The following PPFIA2 variants were observed in gnomAD, a reference collection of about 807,000 sequenced individuals.
PPFIA2 encodes liprin-alpha-2.
In PPFIA2, 46 loss-of-function variants were observed where a neutral mutation model predicts 175.5. The observed-to-expected ratio is 0.26, with a 90% CI of 0.21 to 0.34. The LOEUF (loss-of-function observed/expected upper bound fraction) is 0.34. PPFIA2 is among the 10% of genes least tolerant of loss of function. The probability of loss-of-function intolerance (pLI) is 1.00; values close to 1 mark genes in which losing one functional copy is unlikely to be tolerated. For synonymous variants in PPFIA2, 568 were observed against 511.4 expected (o/e 1.11, Z -1.49); for missense variants, 1,179 against 1,506.1 (o/e 0.78, Z 3.60).
chr12:81,358,754 C>T (rs1053702951), intron 15 of PPFIA2, among the ~76,000 whole-genome samples: 13 of 151,896 alleles, frequency 8.6e-5, no homozygotes, highest in African/African-American at 3.1e-4. Context: ...CAACAAAATG[C>T]TTAAATTTAG....
chr12:81,414,458 T>G (rs149269422), intron 7 of PPFIA2, among the ~76,000 whole-genome samples: 1 of 151,770 alleles, frequency 6.6e-6, no homozygotes, highest in East Asian at 1.9e-4. Context: ...TGAAAAAAAA[T>G]TAACTACTTT....
intron 3 of PPFIA2, among the ~76,000 whole-genome samples, chr12:81,752,419 C>T (rs2083942152): frequency 6.6e-6 from 1 of 152,040 alleles, no homozygotes; most frequent in Non-Finnish European, 1.5e-5. Context: ...AAATATTTTC[C>T]TTAAAAAATA....
intron 7 of PPFIA2, among the ~76,000 whole-genome samples, chr12:81,407,073 A>G (rs1192425558): frequency 1.3e-5 from 2 of 152,184 alleles, no homozygotes; most frequent in Admixed American, 1.3e-4. Context: ...AACTGTAAAC[A>G]CCAAATAATT....
chr12:81,440,949 G>A (rs1272931933), intron 6 of PPFIA2, among the ~76,000 whole-genome samples: 1 of 150,870 alleles, frequency 6.6e-6, no homozygotes, highest in East Asian at 1.9e-4. Context: ...ATTCATGGTG[G>A]GTTTTCGATT....
At chr12:81,733,576 GATTTTATCT>G (rs1359001564) in intron 3 of PPFIA2, among the ~76,000 whole-genome samples, 1 of 151,596 alleles carries the variant, frequency 6.6e-6, no homozygotes, top group Non-Finnish European at 1.5e-5. Flanking sequence ...ACTTTTCTGA[GATTTTATCT>G]ATATATAAAA....
Position 81,520,416 on chromosome 12 carries a change from G to A in PPFIA2, c.304-62550C>T, listed in dbSNP as rs186413233. ...ATTTTCCATTTAATATTTTTGAGCC[G>A]TACAACTGACCTTAGGTAACCGAAA... On this transcript the variant is annotated intron_variant, in intron 4 of 32. Coordinates refer to ENST00000549396, the MANE Select transcript of PPFIA2 (RefSeq NM_003625.5). 5.3e-5 allele frequency among the ~76,000 whole-genome samples: 8 copies of A among 152,080 alleles called. No homozygotes were observed. The South Asian group carries it at 8.3e-4, about 16-fold the overall frequency.
intron 21 of PPFIA2, among the ~76,000 whole-genome samples, chr12:81,327,700 T>A (rs2055111455): frequency 6.6e-6 from 1 of 152,190 alleles, no homozygotes; most frequent in East Asian, 1.9e-4. Flanking sequence ...ATAAGAACAT[T>A]TAAATTATGA....
At chr12:81,478,788 G>T (rs1008435078) in intron 4 of PPFIA2, among the ~76,000 whole-genome samples, 2 of 152,122 alleles carry the variant, frequency 1.3e-5, no homozygotes, top group African/African-American at 2.4e-5. Context: ...GAGACGGTTT[G>T]TTATGATTTC....
chr12:81,464,964 A>T (rs1198304966), intron 4 of PPFIA2, among the ~76,000 whole-genome samples: 2 of 152,100 alleles, frequency 1.3e-5, no homozygotes, highest in Non-Finnish European at 2.9e-5. Flanking sequence ...GAGAAAAAAA[A>T]TGACATATTT....
chr12:81,456,723 C>G (rs1468491600), intron 5 of PPFIA2, among the ~76,000 whole-genome samples: 1 of 151,972 alleles, frequency 6.6e-6, no homozygotes. Flanking sequence ...TGGTAATTTA[C>G]ATGTTTATAA....
chr12:81,307,070 C>T (rs1348982319), intron 22 of PPFIA2, among the ~76,000 whole-genome samples: 8 of 152,084 alleles, frequency 5.3e-5, no homozygotes, highest in South Asian at 2.1e-4. Flanking sequence ...GTAAGTTGAT[C>T]GCTACTTTTT....
chr12:81,729,839 C>T (rs2080623917), intron 3 of PPFIA2, among the ~76,000 whole-genome samples: 1 of 151,450 alleles, frequency 6.6e-6, no homozygotes, highest in South Asian at 2.1e-4. Flanking sequence ...ATGCAGCCCA[C>T]TTAAGGTATT....
chr12:81,648,597 C>G (rs963338285), intron 4 of PPFIA2, among the ~76,000 whole-genome samples: 141 of 151,716 alleles, frequency 9.3e-4, no homozygotes, highest in Middle Eastern at 3.4e-3. Flanking sequence ...TATGTAATCT[C>G]GGTGACTCTC....
chr12:81,369,530 C>A, intron 11 of PPFIA2: 6 of 742,044 alleles, frequency 8.1e-6, no homozygotes, highest in South Asian at 3.5e-5. Context: ...GGTTGATTAT[C>A]AATAAATAAA....
chr12:81,331,242 C>T (rs1282824144), intron 21 of PPFIA2, among the ~76,000 whole-genome samples: 8 of 152,156 alleles, frequency 5.3e-5, no homozygotes, highest in Non-Finnish European at 7.4e-5. Flanking sequence ...CATTGTGTTA[C>T]GATTGCCTAC....
chr12:81,305,425 T>C (rs2048905017), intron 22 of PPFIA2, among the ~76,000 whole-genome samples: 1 of 152,292 alleles, frequency 6.6e-6, no homozygotes, highest in African/African-American at 2.4e-5. Context: ...ATTTCTATAA[T>C]GGCTTTTAAT....
In PPFIA2 at chr12:81,353,232, G is replaced by GTCA; in HGVS notation, c.1878_1880dup (p.Asp627dup). On this transcript the variant is annotated inframe_insertion, in exon 17 of 33. Transcript: ENST00000549396. ...CCATTGAGCTAAAAATTGTTTCTCT[G>GTCA]TCATCATCATCAATATCAGACATTT... 3.1e-6 allele frequency: 5 copies of GTCA among 1,613,730 alleles called. No individual in the cohort carries two copies. Among genetic ancestry groups the GTCA allele is most frequent in the African/African-American group, 1.3e-5 (1 of 75,030 alleles).
chr12:81,640,057 G>A lies in PPFIA2; in HGVS notation c.303+36734C>T, dbSNP rs531794070. ...TAGTTTTTGAAATATTTGAAGTTTC[G>A]GAAAACTTAGCTGTATTTAATGACC... On this transcript the variant is annotated intron_variant, in intron 4 of 32. Coordinates refer to ENST00000549396, the MANE Select transcript of PPFIA2 (RefSeq NM_003625.5). Among the ~76,000 whole-genome samples the A allele has an allele frequency of 3.9e-5, 6 of 152,070 alleles. No homozygotes were observed. The East Asian group carries it at 1.2e-3, about 29-fold the overall frequency.
At chr12:81,636,709 G>A (rs955680671) in intron 4 of PPFIA2, among the ~76,000 whole-genome samples, 1 of 152,072 alleles carries the variant, frequency 6.6e-6, no homozygotes, top group African/African-American at 2.4e-5. Context: ...CTGGAGTACA[G>A]TGGCGCAAGC....
Sources: gnomAD v4.1 joint callset for allele counts (sites outside exome capture counted in the v4.1 genomes callset) on GRCh38, gnomAD v4.1.1 for gene constraint, MANE v1.5 for transcripts, NCBI Gene and HGNC (gene_info 2026-07-23, HGNC 2026-07-21) for gene names.